Variants in TCEANC2 observed in about 807,000 individuals in gnomAD.
TCEANC2 encodes the protein transcription elongation factor A N-terminal and central domain-containing protein 2.
In TCEANC2, 20 loss-of-function variants were observed where a neutral mutation model predicts 22.8. The ratio of observed to expected loss-of-function variants is 0.88; its 90% CI spans 0.62 to 1.28. The LOEUF (loss-of-function observed/expected upper bound fraction) is 1.28, where lower values mean the gene tolerates loss of function less well. TCEANC2 is among the 50% of genes most tolerant of loss of function. The pLI is 0.00. For synonymous variants in TCEANC2, 84 were observed against 95.5 expected, an observed-to-expected ratio of 0.88 and a Z score of 0.70; for missense variants, 251 against 249.7, an observed-to-expected ratio of 1.01 and a Z score of -0.03.
chr1:54,091,028 A>G (rs1658436065), intron 4 of TCEANC2, among the ~76,000 whole-genome samples: 1 of 152,136 alleles, frequency 6.6e-6, no homozygotes, highest in African/African-American at 2.4e-5. Flanking sequence ...AAAAAGTGAT[A>G]TGTTTGTTAG....
intron 3 of TCEANC2, among the ~76,000 whole-genome samples, chr1:54,069,533 G>T (rs772247018): frequency 2.0e-5 from 3 of 151,814 alleles, no homozygotes; most frequent in Non-Finnish European, 4.4e-5. Flanking sequence ...GCTTGAACCT[G>T]GGAGGCAGAG....
At chr1:54,076,168 G>A (rs2100368854) in intron 3 of TCEANC2, among the ~76,000 whole-genome samples, 1 of 152,238 alleles carries the variant, frequency 6.6e-6, no homozygotes, top group African/African-American at 2.4e-5. Context: ...TGTGTCATGA[G>A]GGCTTGTTGT....
chr1:54,096,424 A>G lies in TCEANC2; in HGVS notation c.578A>G (p.Lys193Arg), dbSNP rs1248340918. 1.9e-6 allele frequency: 3 copies of G among 1,612,968 alleles called. No individual in the cohort carries two copies. Among genetic ancestry groups the G allele is most frequent in the Non-Finnish European group, 2.5e-6 (3 of 1,179,060 alleles). ...CGAGCTGAAATCCGGGCTCAGGTGA[A>G]GAGCGGCTCGCTGCCAGTCGGCACG... ...KHRAEIRAQV[K>R]SGSLPVGTFV... Residue 193 changes from lysine (K) to arginine (R), a missense_variant, in exon 5 of 5, where the codon AAG (lysine) becomes AGG (arginine). Coordinates refer to ENST00000234827, the MANE Select transcript of TCEANC2 (RefSeq NM_153035.3). This position sits in a 1 kb window ranked among gnomAD's most constrained non-coding sequence, Gnocchi z 4.9.
chr1:54,102,054 A>G lies in TCEANC2; in HGVS notation c.*5581A>G, dbSNP rs931226876. On this transcript the variant is annotated 3_prime_UTR_variant, in exon 5 of 5. Transcript: ENST00000234827. ...AAGACAATTATTGCATCTCACTCCA[A>G]CCATTAAGAAGGAAGCACAATGCCT... The G allele has an allele frequency of 6.6e-6, 1 of 152,214 alleles. No homozygotes were observed. The highest frequency in any genetic ancestry group is 2.4e-5 in the African/African-American group (1 of 41,452). 9.4% of individuals were successfully genotyped at this position (152,214 alleles called of 1,614,324 possible). A position where few individuals can be genotyped will look rare whatever the true frequency, so the allele number is the denominator to read the frequency against.
At chr1:54,060,803 G>A (rs1426963064) in intron 2 of TCEANC2, among the ~76,000 whole-genome samples, 1 of 152,030 alleles carries the variant, frequency 6.6e-6, no homozygotes, top group Non-Finnish European at 1.5e-5. Context: ...AGCCGGGTGT[G>A]GTGGTGGGCG....
Position 54,096,672 on chromosome 1 carries a change from G to T in TCEANC2, c.*199G>T. 1 of 1,261,528 alleles carries T rather than the reference G, an allele frequency of 7.9e-7. No individual in the cohort carries two copies. The highest frequency in any genetic ancestry group is 2.7e-5 in the East Asian group (1 of 36,588). 78.1% of individuals were successfully genotyped at this position (1,261,528 alleles called of 1,614,324 possible). A position where few individuals can be genotyped will look rare whatever the true frequency, so the allele number is the denominator to read the frequency against. ...GAATGTGCTTCATTAGCTGCAGTGC[G>T]CTGGTGCTGCCTAACAGAACGCACA... On this transcript the variant is annotated 3_prime_UTR_variant, in exon 5 of 5. Coordinates refer to ENST00000234827, the MANE Select transcript of TCEANC2 (RefSeq NM_153035.3). This position sits in a 1 kb window ranked among gnomAD's most constrained non-coding sequence, Gnocchi z 4.9.
At chr1:54,091,695 C>T (rs563873299) in intron 4 of TCEANC2, among the ~76,000 whole-genome samples, 69 of 152,286 alleles carry the variant, frequency 4.5e-4, no homozygotes, top group African/African-American at 1.5e-3. Flanking sequence ...AAAACTCCAT[C>T]GTTGAAACCC....
downstream of TCEANC2, among the ~76,000 whole-genome samples, chr1:54,108,844 C>T (rs1181143245): frequency 5.3e-5 from 8 of 151,970 alleles, no homozygotes; most frequent in African/African-American, 1.7e-4. Context: ...TGGTGGTGGG[C>T]GCCTGTAGTC....
In TCEANC2 at chr1:54,096,531, G is replaced by T. The variant is rs1467288665; in HGVS notation, c.*58G>T. 2.0e-6 allele frequency: 3 copies of T among 1,537,378 alleles called. No individual in the cohort carries two copies. The highest frequency in any genetic ancestry group is 1.8e-6 in the Non-Finnish European group (2 of 1,135,152). On this transcript the variant is annotated 3_prime_UTR_variant, in exon 5 of 5. Transcript: ENST00000234827. The surrounding 1 kb of genome is among the most constrained non-coding windows in gnomAD (Gnocchi z 4.9). ...AGAGGAAAATGGGCCTGTCTCTGCC[G>T]TTCAAAGACGCTTTTGAGTTTGGGT...
At position 54,104,630 on chromosome 1, in the gene TCEANC2, C is replaced by T. The variant is rs918361775; in HGVS notation, c.*8157C>T. 2.9e-5 allele frequency: 13 copies of T among 445,294 alleles called. No homozygotes were observed. The highest frequency in any genetic ancestry group is 2.2e-4 in the African/African-American group (11 of 49,756). The allele number at this position is 445,294 out of a possible 1,614,324, so 27.6% of individuals were successfully genotyped here. A position where few individuals can be genotyped will look rare whatever the true frequency, so the allele number is the denominator to read the frequency against. ...CATCTCGGCTCACTGCAACCTCTGCCTCCTGGGTTCAAGCTATTCTCCTGC... is the reference window on the plus strand; with the variant it reads ...CATCTCGGCTCACTGCAACCTCTGCTTCCTGGGTTCAAGCTATTCTCCTGC... On this transcript the variant is annotated 3_prime_UTR_variant, in exon 5 of 5. Transcript: ENST00000234827.
intron 3 of TCEANC2, among the ~76,000 whole-genome samples, chr1:54,085,152 A>G (rs924105082): frequency 2.0e-5 from 3 of 152,174 alleles, no homozygotes; most frequent in Non-Finnish European, 4.4e-5. Flanking sequence ...AAGACTCAAT[A>G]TTATTTTACC....
intron 2 of TCEANC2, among the ~76,000 whole-genome samples, chr1:54,067,619 G>A (rs139177037): frequency 0.01 from 1,585 of 152,274 alleles, 16 homozygotes; most frequent in Middle Eastern, 0.027. Context: ...CAAGTGGATT[G>A]GAGAGGAAGA....
At position 54,105,645 on chromosome 1, in the gene TCEANC2, C is replaced by CTTTT. The variant is rs59285601; in HGVS notation, c.*9172_*9173insTTTT. On this transcript the variant is annotated 3_prime_UTR_variant, in exon 5 of 5. Coordinates refer to ENST00000234827, the MANE Select transcript of TCEANC2 (RefSeq NM_153035.3). ...GGGTCAGCAAACTTTTTTTTTTTTTCGAGACGGAGTCTCACTCCGTCACCA... is the reference window on the plus strand; with the variant it reads ...GGGTCAGCAAACTTTTTTTTTTTTTCTTTTGAGACGGAGTCTCACTCCGTCACCA... The CTTTT allele has an allele frequency of 0.56, 83,257 of 149,002 alleles. 25,430 individuals carry two copies. The highest frequency in any genetic ancestry group is 0.82 in the African/African-American group (33,305 of 40,706). The allele number at this position is 149,002 out of a possible 1,614,324, so 9.2% of individuals were successfully genotyped here.
intron 3 of TCEANC2, among the ~76,000 whole-genome samples, chr1:54,077,728 G>A (rs1200044261): frequency 6.6e-6 from 1 of 152,092 alleles, no homozygotes; most frequent in African/African-American, 2.4e-5. Flanking sequence ...TACAGCAGGA[G>A]CTCAGGAATA....
chr1:54,089,500 T>C lies in TCEANC2; in HGVS notation c.438+710T>C, dbSNP rs565575671. Among the ~76,000 whole-genome samples, 36 of 152,324 alleles carry C rather than the reference T, an allele frequency of 2.4e-4. 1 individual carries two copies. In the South Asian group the frequency reaches 7.5e-3, roughly 32 times the overall value. On this transcript the variant is annotated intron_variant, in intron 4 of 4. Coordinates refer to ENST00000234827, the MANE Select transcript of TCEANC2 (RefSeq NM_153035.3). ...AAGAAGGATTTTTGCTCATTAATAA[T>C]AATATTCATTGTCATCAAACAACAA...
chr1:54,064,252 G>A (rs1391078601), intron 2 of TCEANC2, among the ~76,000 whole-genome samples: 1 of 152,222 alleles, frequency 6.6e-6, no homozygotes, highest in African/African-American at 2.4e-5. Flanking sequence ...CCTTAAATAT[G>A]TTTAAAATGT....
At chr1:54,068,973 C>T in intron 3 of TCEANC2, 76 bp downstream of exon 3, 1 of 1,366,640 alleles carries the variant, frequency 7.3e-7, no homozygotes, top group Non-Finnish European at 9.5e-7. Context: ...CTCTCTCCTT[C>T]AAACATGAAG....
intron 3 of TCEANC2, among the ~76,000 whole-genome samples, chr1:54,085,230 C>A (rs1294723370): frequency 2.0e-5 from 3 of 152,168 alleles, no homozygotes; most frequent in Non-Finnish European, 1.5e-5. Context: ...AAAGCAGGGA[C>A]AATTGCTTGT....
chr1:54,080,140 T>G (rs987515753), intron 3 of TCEANC2, among the ~76,000 whole-genome samples: 2 of 151,590 alleles, frequency 1.3e-5, no homozygotes, highest in African/African-American at 4.8e-5. Context: ...GTCTCCAATT[T>G]TCTTTCTTTT....
Sources: gnomAD v4.1 joint callset for allele counts (sites outside exome capture counted in the v4.1 genomes callset) on GRCh38, gnomAD v4.1.1 for gene constraint, Gnocchi (gnomAD v3.1) non-coding constraint, MANE v1.5 for transcripts, NCBI Gene and HGNC (gene_info 2026-07-23, HGNC 2026-07-21) for gene names.